NEXMIF: variants seen among roughly 807,000 people sequenced by gnomAD.
The protein encoded by NEXMIF is neurite extension and migration factor.
In NEXMIF, 8 loss-of-function variants were observed where a neutral mutation model predicts 62.1. That is an observed-to-expected ratio of 0.13 (90% CI 0.08 to 0.23). The LOEUF (loss-of-function observed/expected upper bound fraction) is 0.23. Among genes scored for constraint, NEXMIF ranks in the 10% least tolerant of loss-of-function variants. NEXMIF has a pLI of 1.00. For synonymous variants in NEXMIF, 404 were observed against 416.6 expected, an observed-to-expected ratio of 0.97 and a Z score of 0.37; for missense variants, 976 against 1,113.3, an observed-to-expected ratio of 0.88 and a Z score of 1.75.
intron 1 of NEXMIF, among the ~76,000 whole-genome samples, chrX:74,774,291 G>C (rs186558691): frequency 2.7e-5 from 3 of 111,550 alleles, no homozygotes; most frequent in African/African-American, 9.8e-5. Context: ...GACAAGGGAA[G>C]TAATAATATA....
At chrX:74,866,805 C>G (rs961677107) in intron 1 of NEXMIF, among the ~76,000 whole-genome samples, 2 of 112,718 alleles carry the variant, frequency 1.8e-5, no homozygotes, top group African/African-American at 6.4e-5. Context: ...CTTTGCTCCC[C>G]CTTCACCTTC....
intron 1 of NEXMIF, among the ~76,000 whole-genome samples, chrX:74,879,827 C>T (rs1390339315): frequency 5.4e-5 from 6 of 111,592 alleles, no homozygotes; most frequent in African/African-American, 2.0e-4. Context: ...ATAGGTGAAC[C>T]TCAGTTAAAA....
chrX:74,806,917 GC>G (rs1339073661), intron 1 of NEXMIF, among the ~76,000 whole-genome samples: 1 of 112,522 alleles, frequency 8.9e-6, no homozygotes, highest in Non-Finnish European at 1.9e-5. Context: ...TTTGTCTGTT[GC>G]CAATTCCACA....
Position 74,740,662 on chromosome X carries a change from C to T in NEXMIF, c.3895G>A (p.Gly1299Ser), listed in dbSNP as rs2080099383. Residue 1299 changes from glycine to serine, a missense_variant, in exon 3 of 4, where the codon GGC (glycine) becomes AGC (serine). Gly to Ser is a moderately conservative substitution (Grantham distance 56, BLOSUM62 0). Coordinates refer to ENST00000055682, the MANE Select transcript of NEXMIF (RefSeq NM_001008537.3). ...SSPGWSDMSM[G>S]TNTNSLLDDD... The stretch of plus-strand genomic sequence containing the variant: ...TCCAGAAGGCTGTTGGTGTTGGTGC[C>T]CATGCTCATATCACTCCAGCCTGGG... 2 of 1,211,603 alleles carry T rather than the reference C, an allele frequency of 1.7e-6. No homozygotes were observed. Among genetic ancestry groups the T allele is most frequent in the Non-Finnish European group, 2.2e-6 (2 of 895,358 alleles).
In NEXMIF at chrX:74,744,351, G is replaced by A. The variant is rs201351157; in HGVS notation, c.206C>T (p.Ser69Phe). 160 of 1,209,734 alleles carry A rather than the reference G, an allele frequency of 1.3e-4. No homozygotes were observed. The highest frequency in any genetic ancestry group is 1.7e-4 in the Non-Finnish European group (154 of 895,135). ...MYPRGLLPLP[S>F]KKPCMQSPPS... The stretch of plus-strand genomic sequence containing the variant: ...CGGGCTCTGCATACAGGGCTTCTTA[G>A]AGGGTAGAGGCAGGAGACCTCTGGG... Residue 69 changes from serine (S) to phenylalanine (F), a missense_variant, in exon 3 of 4, where the codon TCT becomes TTT. Physicochemically the swap from Ser to Phe is radical, Grantham distance 155 (BLOSUM62 -2). Transcript: ENST00000055682.
At chrX:74,753,445 T>C (rs924093108) in intron 1 of NEXMIF, among the ~76,000 whole-genome samples, 1 of 111,861 alleles carries the variant, frequency 8.9e-6, no homozygotes, top group African/African-American at 3.3e-5. Context: ...TAGCACCAAG[T>C]TACTTACCAA....
At chrX:74,829,887 T>A (rs2080430426) in intron 1 of NEXMIF, among the ~76,000 whole-genome samples, 1 of 112,148 alleles carries the variant, frequency 8.9e-6, no homozygotes, top group Admixed American at 9.5e-5. Context: ...TGTCAGTTTT[T>A]AAATCTGATT....
intron 1 of NEXMIF, among the ~76,000 whole-genome samples, chrX:74,868,604 C>A (rs1270705609): frequency 1.3e-5 from 1 of 77,410 alleles, no homozygotes; most frequent in Non-Finnish European, 2.3e-5. Context: ...GGGAGGGGAA[C>A]AACATGCACT....
chrX:74,901,939 T>A (rs767017485), intron 1 of NEXMIF, among the ~76,000 whole-genome samples: 7 of 111,548 alleles, frequency 6.3e-5, no homozygotes, highest in East Asian at 2.8e-4. Flanking sequence ...GGACATTTTT[T>A]AAAATTAATC....
chrX:74,839,054 T>C (rs2080465982), intron 1 of NEXMIF, among the ~76,000 whole-genome samples: 1 of 111,929 alleles, frequency 8.9e-6, no homozygotes, highest in African/African-American at 3.2e-5. Context: ...AAAGTAAACA[T>C]GCATCCCCTA....
chrX:74,899,425 T>C (rs868715926), intron 1 of NEXMIF, among the ~76,000 whole-genome samples: 3 of 111,630 alleles, frequency 2.7e-5, no homozygotes, highest in African/African-American at 6.5e-5. Flanking sequence ...TGTATTCCTA[T>C]ACACTAATAA....
rs1252848511 is a variant in NEXMIF, at chrX:74,743,157, G to A, written c.1400C>T (p.Thr467Ile). 8.3e-7 allele frequency: 1 copy of A among 1,210,873 alleles called. No homozygotes were observed. The highest frequency in any genetic ancestry group is 2.2e-5 in the Admixed American group (1 of 45,896). The change falls in exon 3 of 4, where the codon ACT (threonine) becomes ATT (isoleucine). Residue 467 changes from threonine to isoleucine, a missense_variant. Physicochemically the swap from Thr to Ile is moderately conservative, Grantham distance 89 (BLOSUM62 -1). Coordinates refer to ENST00000055682, the MANE Select transcript of NEXMIF (RefSeq NM_001008537.3). ...TTGGGAGGAGGAGCTGCCAGAATTA[G>A]TGTCCCGAGCCATATAGCGACTACA... is the stretch of plus-strand genomic sequence containing the variant. ...KDCSRYMARD[T>I]NSGSSSSQQN... is the part of the protein sequence containing the mutation.
At chrX:74,919,320 C>G (rs1324043767) in intron 1 of NEXMIF, among the ~76,000 whole-genome samples, 3 of 111,415 alleles carry the variant, frequency 2.7e-5, no homozygotes, top group Non-Finnish European at 5.7e-5. Flanking sequence ...CCAGAAAGAT[C>G]TCTTAACTAG....
intron 1 of NEXMIF, among the ~76,000 whole-genome samples, chrX:74,857,102 C>A (rs778744162): frequency 1.5e-4 from 17 of 112,086 alleles, no homozygotes; most frequent in African/African-American, 5.5e-4. Context: ...ACAAGAACTG[C>A]AACTCCTAGG....
chrX:74,779,690 T>C (rs1455978212), intron 1 of NEXMIF, among the ~76,000 whole-genome samples: 1 of 112,241 alleles, frequency 8.9e-6, no homozygotes, highest in Non-Finnish European at 1.9e-5. Context: ...ACCTCTACTT[T>C]TCTGAATGCC....
chrX:74,878,298 CTCAGGGG>C (rs1176420344), intron 1 of NEXMIF, among the ~76,000 whole-genome samples: 1 of 111,994 alleles, frequency 8.9e-6, no homozygotes, highest in Non-Finnish European at 1.9e-5. Context: ...AGTTAGGCTG[CTCAGGGG>C]TCAGGGGTCA....
intron 1 of NEXMIF, among the ~76,000 whole-genome samples, chrX:74,876,494 A>T (rs2080634293): frequency 9.1e-6 from 1 of 110,036 alleles, no homozygotes; most frequent in Non-Finnish European, 1.9e-5. Flanking sequence ...AGTTCTGTAG[A>T]TGTCTATTAG....
chrX:74,836,214 T>C (rs747428277), intron 1 of NEXMIF, among the ~76,000 whole-genome samples: 63 of 112,626 alleles, frequency 5.6e-4, no homozygotes, highest in African/African-American at 2.0e-3. Context: ...CCAGGGCAGG[T>C]CCAGAAATGC....
At chrX:74,903,551 G>A (rs1361777038) in intron 1 of NEXMIF, among the ~76,000 whole-genome samples, 1 of 111,639 alleles carries the variant, frequency 9.0e-6, no homozygotes, top group African/African-American at 3.3e-5. Flanking sequence ...GAGAATCAAA[G>A]GTGGCAAGGG....
Sources: gnomAD v4.1 joint callset for allele counts (sites outside exome capture counted in the v4.1 genomes callset) on GRCh38, gnomAD v4.1.1 for gene constraint, MANE v1.5 for transcripts, NCBI Gene and HGNC (gene_info 2026-07-23, HGNC 2026-07-21) for gene names.